PDE12: variants seen among roughly 807,000 people sequenced by gnomAD.
PDE12 encodes the protein phosphodiesterase 12, also known as 2',5'-phosphodiesterase 12.
In PDE12, 26 loss-of-function variants were observed where a neutral mutation model predicts 45.4. That is an observed-to-expected ratio of 0.57 (90% CI 0.42 to 0.79). The LOEUF (loss-of-function observed/expected upper bound fraction) is 0.79, where lower values mean the gene tolerates loss of function less well. Ranked by LOEUF, PDE12 falls within the 30% of genes least tolerant of loss-of-function variation. PDE12 has a pLI of 0.00. For synonymous variants in PDE12, 283 were observed against 323.9 expected (o/e 0.87, Z 1.36); for missense variants, 668 against 790.0 (o/e 0.85, Z 1.85).
At chr3:57,608,395 C>T in the PDE12 span, among the ~76,000 whole-genome samples, 4 of 152,042 alleles carry the variant, frequency 2.6e-5, no homozygotes, top group African/African-American at 9.7e-5. Flanking sequence ...CAATATTAAC[C>T]TTAAATGTAA....
At chr3:57,613,727 C>T in the PDE12 span, among the ~76,000 whole-genome samples, 12 of 150,858 alleles carry the variant, frequency 8.0e-5, no homozygotes, top group Non-Finnish European at 1.5e-4. Context: ...GGTGAAACCC[C>T]GTCTCTACTA....
At chr3:57,648,354 CACAA>C in the PDE12 span, among the ~76,000 whole-genome samples, 1 of 152,104 alleles carries the variant, frequency 6.6e-6, no homozygotes, top group Non-Finnish European at 1.5e-5. Context: ...TCACAGACGA[CACAA>C]ACAAATGGAA....
At chr3:57,652,324 G>A in the PDE12 span, among the ~76,000 whole-genome samples, 2 of 152,254 alleles carry the variant, frequency 1.3e-5, no homozygotes, top group Admixed American at 6.5e-5. Context: ...CATAAGGCTA[G>A]GGCTGAGACC....
the PDE12 span, among the ~76,000 whole-genome samples, chr3:57,587,267 C>T: frequency 5.6e-5 from 8 of 143,166 alleles, 1 homozygote; most frequent in South Asian, 8.6e-4. Context: ...TGCAGTGAGC[C>T]GAGATCGTGC....
chr3:57,637,863 C>T, the PDE12 span, among the ~76,000 whole-genome samples: 2 of 151,142 alleles, frequency 1.3e-5, no homozygotes, highest in African/African-American at 4.9e-5. Flanking sequence ...AGGCCGGGCA[C>T]AGTGGCTCAC....
chr3:57,581,805 C>T, the PDE12 span, among the ~76,000 whole-genome samples: 1 of 152,078 alleles, frequency 6.6e-6, no homozygotes, highest in Non-Finnish European at 1.5e-5. Context: ...AAAAAATAAA[C>T]AAACTGTCTA....
At chr3:57,642,200 G>C in the PDE12 span, among the ~76,000 whole-genome samples, 1 of 151,328 alleles carries the variant, frequency 6.6e-6, no homozygotes, top group African/African-American at 2.4e-5. Context: ...TGTAATCCCA[G>C]CTACTCAGGA....
chr3:57,582,565 A>G, the PDE12 span, among the ~76,000 whole-genome samples: 1 of 152,142 alleles, frequency 6.6e-6, no homozygotes, highest in Admixed American at 6.5e-5. Context: ...TTTAAATAAA[A>G]AAGTATACCA....
At chr3:57,583,976 G>A in the PDE12 span, 13 of 1,612,486 alleles carry the variant, frequency 8.1e-6, no homozygotes, top group South Asian at 2.2e-5. Flanking sequence ...TGAAACAAAT[G>A]TTCTTATATT....
the PDE12 span, among the ~76,000 whole-genome samples, chr3:57,610,739 C>T: frequency 1.3e-5 from 2 of 152,150 alleles, no homozygotes; most frequent in African/African-American, 4.8e-5. Flanking sequence ...TAAAGGAGGA[C>T]ACAAACAAAT....
the PDE12 span, among the ~76,000 whole-genome samples, chr3:57,621,561 T>C: frequency 6.6e-6 from 1 of 151,888 alleles, no homozygotes; most frequent in Non-Finnish European, 1.5e-5. Context: ...TCCCAGCTAC[T>C]GGGGAGGTTG....
In PDE12 at chr3:57,556,496, A is replaced by G. The variant is rs375748666; in HGVS notation, c.117A>G (p.Val39=). The part of the protein sequence containing the change: ...QTAAGAMERA[V]VRCVPSEPKL... The stretch of plus-strand genomic sequence containing the variant: ...CGGCGGGAGCGATGGAGCGCGCTGT[A>G]GTGCGCTGCGTACCTTCGGAACCCA... Residue 39 remains valine (V), a synonymous_variant, in exon 1 of 3, where the codon GTA becomes GTG. Transcript: ENST00000311180. The surrounding 1 kb of genome is among the most constrained non-coding windows in gnomAD (Gnocchi z 5.0). 7 of 1,613,234 alleles carry G rather than the reference A, an allele frequency of 4.3e-6. No individual in the cohort carries two copies. The highest frequency in any genetic ancestry group is 2.2e-5 in the East Asian group (1 of 44,866).
the PDE12 span, among the ~76,000 whole-genome samples, chr3:57,629,431 C>A: frequency 4.0e-5 from 6 of 150,160 alleles, no homozygotes; most frequent in African/African-American, 1.2e-4. Context: ...GAAAGTGAGA[C>A]TATTCCTTTT....
the PDE12 span, chr3:57,571,936 A>C: frequency 6.5e-6 from 2 of 308,546 alleles, no homozygotes; most frequent in Admixed American, 9.6e-5. Context: ...CAATTTATTT[A>C]AAGGTTGCAC....
the PDE12 span, chr3:57,646,359 G>C: frequency 2.1e-4 from 341 of 1,613,886 alleles, no homozygotes; most frequent in Non-Finnish European, 2.7e-4. Flanking sequence ...GATGGTGATG[G>C]CGCCATAACC....
chr3:57,603,994 A>G, the PDE12 span, among the ~76,000 whole-genome samples: 1 of 149,720 alleles, frequency 6.7e-6, no homozygotes, highest in African/African-American at 2.5e-5. Context: ...GCACGACCTC[A>G]GCTTACTGCA....
Position 57,560,144 on chromosome 3 carries a change from C to T in PDE12, c.*140C>T, listed in dbSNP as rs1575773199. ...CTCCTAGTTATGTTCCTGATGTCTTCGTTATGAAACTGTTGATGTTTGCAT... is the reference window on the plus strand; with the variant it reads ...CTCCTAGTTATGTTCCTGATGTCTTTGTTATGAAACTGTTGATGTTTGCAT... On this transcript the variant is annotated 3_prime_UTR_variant, in exon 3 of 3. Coordinates refer to ENST00000311180, the MANE Select transcript of PDE12 (RefSeq NM_177966.7). 4.2e-6 allele frequency: 6 copies of T among 1,419,550 alleles called. No homozygotes were observed. In the South Asian group the frequency reaches 6.4e-5, roughly 15 times the overall value. The allele number at this position is 1,419,550 out of a possible 1,614,324, so 87.9% of individuals were successfully genotyped here. A position where few individuals can be genotyped will look rare whatever the true frequency, so the allele number is the denominator to read the frequency against.
the PDE12 span, among the ~76,000 whole-genome samples, chr3:57,615,033 C>T: frequency 1.3e-5 from 2 of 150,002 alleles, no homozygotes; most frequent in Admixed American, 6.6e-5. Context: ...GCAGTGGCTC[C>T]GCCTGTAATC....
chr3:57,641,581 C>G, the PDE12 span: 1 of 1,300,904 alleles, frequency 7.7e-7, no homozygotes, highest in Non-Finnish European at 1.0e-6. Flanking sequence ...AAAAAATAAT[C>G]AAGGATGAAA....
Sources: allele counts gnomAD v4.1 joint callset (sites outside exome capture counted in the v4.1 genomes callset), GRCh38; gene constraint gnomAD v4.1.1; non-coding constraint Gnocchi (gnomAD v3.1); transcripts MANE v1.5; gene names NCBI Gene and HGNC (gene_info 2026-07-23, HGNC 2026-07-21).